GK: variants seen among roughly 807,000 people sequenced by gnomAD.
The protein encoded by GK is glycerol kinase.
In GK, 9 loss-of-function variants were observed where a neutral mutation model predicts 56.4. The observed-to-expected ratio is 0.16, with a 90% CI of 0.10 to 0.28. The LOEUF (loss-of-function observed/expected upper bound fraction) is 0.28, where lower values mean the gene tolerates loss of function less well. Ranked by LOEUF, GK falls within the 10% of genes least tolerant of loss-of-function variation. The probability of loss-of-function intolerance (pLI) is 1.00; values close to 1 mark genes in which losing one functional copy is unlikely to be tolerated. For synonymous variants in GK, 104 were observed against 144.1 expected (o/e 0.72, Z 1.99); for missense variants, 161 against 431.4 (o/e 0.37, Z 5.55).
At chrX:30,661,426 A>G (rs1220199806) in intron 1 of GK, among the ~76,000 whole-genome samples, 1 of 110,305 alleles carries the variant, frequency 9.1e-6, no homozygotes, top group Admixed American at 9.8e-5. Context: ...CTCCTAGTGG[A>G]GGCCTCTGTA....
intron 3 of GK, chrX:30,674,203 G>A (rs1601887192): frequency 3.1e-6 from 1 of 318,138 alleles, no homozygotes; most frequent in East Asian, 9.9e-5. Context: ...GAGTCACACT[G>A]CTAGGAAGCA....
chrX:30,653,550 A>G lies in GK; in HGVS notation c.13A>G (p.Lys5Glu), dbSNP rs1339579905. 6 of 1,211,037 alleles carry G rather than the reference A, an allele frequency of 5.0e-6. No homozygotes were observed. In the Admixed American group the frequency reaches 6.5e-5, roughly 13 times the overall value. ...TGAAGCTGGTTTCATGGCAGCCTCA[A>G]AGAAGGCAGTTTTGGGGCCATTGGT... MAAS[K>E]KAVLGPLVGA... The change falls in exon 1 of 21, where the codon AAG becomes GAG. Residue 5 changes from lysine (K) to glutamate (E), a missense_variant. Physicochemically the swap from Lys to Glu is moderately conservative, Grantham distance 56. Coordinates refer to ENST00000427190, the MANE Select transcript of GK (RefSeq NM_001205019.2).
At chrX:30,663,764 A>G (rs185220689) in intron 1 of GK, among the ~76,000 whole-genome samples, 1 of 108,219 alleles carries the variant, frequency 9.2e-6, no homozygotes, top group African/African-American at 3.3e-5. Context: ...AAACCTAGGC[A>G]TGGAAACACT....
chrX:30,697,128 A>G (rs1388376846), intron 8 of GK, among the ~76,000 whole-genome samples: 3 of 112,711 alleles, frequency 2.7e-5, no homozygotes, highest in Non-Finnish European at 5.6e-5. Flanking sequence ...GAAAGCAAAG[A>G]GTCTGTTTCT....
chrX:30,667,606 C>A (rs1188325710), intron 2 of GK, among the ~76,000 whole-genome samples: 3 of 112,003 alleles, frequency 2.7e-5, no homozygotes, highest in Non-Finnish European at 5.6e-5. Flanking sequence ...ATATCATTCT[C>A]AATAATAATA....
At position 30,720,840 on chromosome X, in the gene GK, C is replaced by CT; in HGVS notation, c.1358-11dup. 1 of 1,211,616 alleles carries CT rather than the reference C, an allele frequency of 8.3e-7. No individual in the cohort carries two copies. Among genetic ancestry groups the CT allele is most frequent in the South Asian group, 1.8e-5 (1 of 57,002 alleles). Reference sequence around the variant, plus strand: ...TAACCACAAAGATATTGATGGAACTCTCTCTCCTCAGTGAAGCCCTCAATG... The same window carrying CT: ...TAACCACAAAGATATTGATGGAACTCTTCTCTCCTCAGTGAAGCCCTCAATG... On this transcript the variant is annotated splice_polypyrimidine_tract_variant and intron_variant, in intron 17 of 20. Coordinates refer to ENST00000427190, the MANE Select transcript of GK (RefSeq NM_001205019.2).
chrX:30,678,452 A>G (rs1459935973), intron 4 of GK, among the ~76,000 whole-genome samples: 1 of 111,906 alleles, frequency 8.9e-6, no homozygotes, highest in Non-Finnish European at 1.9e-5. Flanking sequence ...TTTTTTATCA[A>G]TTAAATACTA....
chrX:30,689,114 T>G (rs1459625614), intron 4 of GK, among the ~76,000 whole-genome samples: 1 of 112,764 alleles, frequency 8.9e-6, no homozygotes, highest in Non-Finnish European at 1.9e-5. Flanking sequence ...CTAAATTCAT[T>G]TTTAAACTCA....
At chrX:30,695,944 C>A (rs1004285788) in intron 6 of GK, 98 bp from the exon 7 acceptor site, 1 of 537,203 alleles carries the variant, frequency 1.9e-6, no homozygotes, top group Non-Finnish European at 3.3e-6. Flanking sequence ...ATGTTCCGTT[C>A]TTTTGCTTTA....
At chrX:30,682,624 G>A (rs1934343241) in intron 4 of GK, among the ~76,000 whole-genome samples, 1 of 111,967 alleles carries the variant, frequency 8.9e-6, no homozygotes, top group Non-Finnish European at 1.9e-5. Context: ...AGCAACACAA[G>A]GTAGGATGGA....
At chrX:30,688,843 T>C (rs1319248458) in intron 4 of GK, among the ~76,000 whole-genome samples, 2 of 112,261 alleles carry the variant, frequency 1.8e-5, no homozygotes, top group African/African-American at 3.2e-5. Context: ...CCCTTGTGAA[T>C]GTTATGTCCA....
intron 3 of GK, among the ~76,000 whole-genome samples, chrX:30,669,183 G>GT (rs138035890): frequency 0.093 from 8,916 of 96,175 alleles, 401 homozygotes; most frequent in African/African-American, 0.11. Context: ...AGTCCTAGTA[G>GT]TTTTTTTTTT....
intron 18 of GK, chrX:30,721,516 G>T: frequency 8.4e-6 from 1 of 119,244 alleles, no homozygotes; most frequent in East Asian, 2.5e-4. Context: ...GCGTTAGCCA[G>T]GATGGTCTCG....
At chrX:30,667,926 C>G (rs774116741) in intron 2 of GK, 86 bp from the exon 3 acceptor site, 2 of 569,110 alleles carry the variant, frequency 3.5e-6, no homozygotes, top group Non-Finnish European at 6.2e-6. Context: ...ATGCACCAGC[C>G]ACACCCTCAT....
intron 9 of GK, among the ~76,000 whole-genome samples, chrX:30,699,609 C>T (rs1350473034): frequency 9.1e-6 from 1 of 109,735 alleles, no homozygotes; most frequent in Admixed American, 9.8e-5. Context: ...GGTGATCCTC[C>T]CACCTCGGCC....
chrX:30,662,767 TTCTC>T lies in GK; in HGVS notation c.79-2726_79-2723del, dbSNP rs367573891. Among the ~76,000 whole-genome samples the T allele has an allele frequency of 3.0e-3, 223 of 75,125 alleles. 3 individuals are homozygous for T. In the East Asian group the frequency reaches 0.037, roughly 12 times the overall value. The allele number at this position is 75,125 out of a possible 115,157, so 65.2% of individuals were successfully genotyped here. On this transcript the variant is annotated intron_variant, in intron 1 of 20. Transcript: ENST00000427190. Reference sequence around the variant, plus strand: ...TTTCTTTCCTTCCTTCCTTCCTTCCTTCTCTCTCTCTCTCTCTCTCTTTCTTTCC... The same window carrying T: ...TTTCTTTCCTTCCTTCCTTCCTTCCTTCTCTCTCTCTCTCTCTTTCTTTCC...
At chrX:30,668,900 G>A (rs1401791513) in intron 3 of GK, among the ~76,000 whole-genome samples, 1 of 110,888 alleles carries the variant, frequency 9.0e-6, no homozygotes, top group Non-Finnish European at 1.9e-5. Context: ...TGGTAGCAGT[G>A]GAGGTGGAGA....
chrX:30,705,326 A>G (rs1270911006), intron 11 of GK, among the ~76,000 whole-genome samples: 1 of 112,799 alleles, frequency 8.9e-6, no homozygotes, highest in Admixed American at 9.3e-5. Context: ...TTTTTCTTTC[A>G]GCTTAGCTGT....
At chrX:30,662,750 C>CTTCTTTCT (rs1204670583) in intron 1 of GK, among the ~76,000 whole-genome samples, 4 of 51,333 alleles carry the variant, frequency 7.8e-5, no homozygotes, top group Non-Finnish European at 1.4e-4. Flanking sequence ...TCTTTCTTTC[C>CTTCTTTCT]TTCCTTCCTT....
Sources: allele counts gnomAD v4.1 joint callset (sites outside exome capture counted in the v4.1 genomes callset), GRCh38; gene constraint gnomAD v4.1.1; transcripts MANE v1.5; gene names NCBI Gene and HGNC (gene_info 2026-07-23, HGNC 2026-07-21).